The following CCDC171 variants were observed in gnomAD, a reference collection of about 807,000 sequenced individuals.
The protein encoded by CCDC171 is coiled-coil domain containing 171, also known as coiled-coil domain-containing protein 171.
CCDC171 carries 177 observed loss-of-function variants against 168.2 expected under a neutral mutation model. The ratio of observed to expected loss-of-function variants is 1.05; its 90% confidence interval spans 0.93 to 1.19. CCDC171 has a LOEUF of 1.19. CCDC171 is among the 50% of genes most tolerant of loss of function. CCDC171 has a pLI of 0.00. For missense variants in CCDC171, 1,991 were observed against 1,539.0 expected (o/e 1.29, Z -4.91); for synonymous variants, 687 against 540.8 (o/e 1.27, Z -3.75).
chr9:15,997,733 T>C (rs1832416619), intron 3 of CCDC171, among the ~76,000 whole-genome samples: 1 of 152,178 alleles, frequency 6.6e-6, no homozygotes, highest in African/African-American at 2.4e-5. Context: ...AGTACCCCAA[T>C]CCTCATTTCT....
chr9:15,644,245 A>T (rs1296430415), intron 7 of CCDC171, among the ~76,000 whole-genome samples: 1 of 152,138 alleles, frequency 6.6e-6, no homozygotes, highest in African/African-American at 2.4e-5. Flanking sequence ...TGTTATTTAA[A>T]TTATAGCCAT....
At chr9:15,924,508 C>T (rs903921295) in intron 25 of CCDC171, among the ~76,000 whole-genome samples, 2 of 150,882 alleles carry the variant, frequency 1.3e-5, no homozygotes, top group Non-Finnish European at 3.0e-5. Flanking sequence ...TGGATTATAC[C>T]ACAGGAAAAG....
intron 9 of CCDC171, among the ~76,000 whole-genome samples, chr9:15,673,516 C>G (rs574900088): frequency 6.6e-6 from 1 of 152,078 alleles, no homozygotes; most frequent in African/African-American, 2.4e-5. Flanking sequence ...TTTTGAGATA[C>G]GTTCCATCAA....
chr9:16,011,247 C>T (rs1168431536), intron 3 of CCDC171, among the ~76,000 whole-genome samples: 1 of 152,042 alleles, frequency 6.6e-6, no homozygotes, highest in Non-Finnish European at 1.5e-5. Context: ...GACACTGGGC[C>T]CCTGGATGGA....
chr9:15,863,454 C>T (rs776671973), intron 23 of CCDC171, among the ~76,000 whole-genome samples: 8 of 151,938 alleles, frequency 5.3e-5, no homozygotes, highest in Non-Finnish European at 1.0e-4. Flanking sequence ...CATTCTCCTT[C>T]GTTTTTAAGG....
intron 24 of CCDC171, among the ~76,000 whole-genome samples, chr9:15,893,672 T>C (rs1820508338): frequency 6.6e-6 from 1 of 151,984 alleles, no homozygotes; most frequent in East Asian, 1.9e-4. Flanking sequence ...AACAAACATA[T>C]GAAAAAAATC....
chr9:15,984,607 A>T (rs1831924545), intron 3 of CCDC171, among the ~76,000 whole-genome samples: 1 of 152,180 alleles, frequency 6.6e-6, no homozygotes, highest in Non-Finnish European at 1.5e-5. Context: ...TTTTAAATAC[A>T]TTAGTAAATA....
chr9:16,002,135 ATTTTTTTTT>A (rs76881347), intron 3 of CCDC171, among the ~76,000 whole-genome samples: 1 of 102,476 alleles, frequency 9.8e-6, no homozygotes, highest in East Asian at 2.8e-4. Flanking sequence ...GCCTACTATC[ATTTTTTTTT>A]TTTTTTTTTT....
chr9:15,794,244 C>T (rs544325962), intron 21 of CCDC171, among the ~76,000 whole-genome samples: 1 of 152,252 alleles, frequency 6.6e-6, no homozygotes, highest in East Asian at 1.9e-4. Context: ...GTGGGCAGAT[C>T]ACCTGAGGTC....
chr9:15,812,795 A>G (rs966423703), intron 21 of CCDC171, among the ~76,000 whole-genome samples: 15 of 152,098 alleles, frequency 9.9e-5, no homozygotes, highest in Admixed American at 3.9e-4. Context: ...CTTGTTGCCC[A>G]CTCTTCCTTT....
At chr9:15,919,663 T>C (rs555480880) in intron 24 of CCDC171, among the ~76,000 whole-genome samples, 14 of 151,752 alleles carry the variant, frequency 9.2e-5, no homozygotes, top group Admixed American at 6.6e-4. Flanking sequence ...TGGTACTGTT[T>C]AGAGGAGATA....
In CCDC171 at chr9:15,623,471, G is replaced by GCACACACACACA. The variant is rs1424407806; in HGVS notation, c.822+59_822+60insACACACACACAC. On this transcript the variant is annotated intron_variant, in intron 7 of 25. Coordinates refer to ENST00000380701, the MANE Select transcript of CCDC171 (RefSeq NM_173550.4). ...CGTACAAACTTTCACATATGCGCGC[G>GCACACACACACA]CGCGCACACACACACACACACACAC... 462 of 505,290 alleles carry GCACACACACACA rather than the reference G, an allele frequency of 9.1e-4. 2 individuals carry two copies. In the African/African-American group the frequency reaches 0.013, roughly 14 times the overall value. 31.3% of individuals were successfully genotyped at this position (505,290 alleles called of 1,614,324 possible). A position where few individuals can be genotyped will look rare whatever the true frequency, so the allele number is the denominator to read the frequency against.
At chr9:16,091,544 C>T in the CCDC171 span, among the ~76,000 whole-genome samples, 1 of 152,200 alleles carries the variant, frequency 6.6e-6, no homozygotes, top group Non-Finnish European at 1.5e-5. Context: ...CCCTGGAGCA[C>T]AGGCCTGGTG....
At chr9:15,572,736 TA>T (rs1392086567) in intron 3 of CCDC171, among the ~76,000 whole-genome samples, 78 of 152,224 alleles carry the variant, frequency 5.1e-4, no homozygotes, top group Non-Finnish European at 1.5e-4. Flanking sequence ...AAAACATTTA[TA>T]TCATGCTTTC....
intron 18 of CCDC171, among the ~76,000 whole-genome samples, chr9:15,757,450 A>T (rs2056191754): frequency 6.6e-6 from 1 of 152,180 alleles, no homozygotes; most frequent in African/African-American, 2.4e-5. Flanking sequence ...TAAGCAGCAA[A>T]AGAGGTGACT....
chr9:15,605,725 A>G lies in CCDC171; in HGVS notation c.675+11553A>G, dbSNP rs1353812012. ...AAAAAAAAAGTCCCTAATTTAGGGA[A>G]ATTTAAAAGCAAGAAAGTAAGGGTC... On this transcript the variant is annotated intron_variant, in intron 6 of 25. Transcript: ENST00000380701. Among the ~76,000 whole-genome samples, 3 of 152,064 alleles carry G rather than the reference A, an allele frequency of 2.0e-5. No individual in the cohort carries two copies. The East Asian group carries it at 5.8e-4, about 29-fold the overall frequency.
upstream of CCDC171, among the ~76,000 whole-genome samples, chr9:16,039,840 T>C (rs1400035296): frequency 6.6e-6 from 1 of 152,146 alleles, no homozygotes; most frequent in Non-Finnish European, 1.5e-5. Context: ...GCCATCTTCC[T>C]TGCTTCTGTG....
chr9:16,002,610 G>A (rs1174143194), intron 3 of CCDC171, among the ~76,000 whole-genome samples: 1 of 152,138 alleles, frequency 6.6e-6, no homozygotes, highest in Non-Finnish European at 1.5e-5. Flanking sequence ...ATTGAAGAAA[G>A]AAAAGTATTT....
intron 9 of CCDC171, among the ~76,000 whole-genome samples, chr9:15,677,876 T>A: frequency 1.5e-5 from 1 of 65,526 alleles, no homozygotes; most frequent in Non-Finnish European, 2.8e-5. Context: ...TGTGTGTGTG[T>A]GTCATATATA....
Sources: allele counts gnomAD v4.1 joint callset (sites outside exome capture counted in the v4.1 genomes callset), GRCh38; gene constraint gnomAD v4.1.1; transcripts MANE v1.5; gene names NCBI Gene and HGNC (gene_info 2026-07-23, HGNC 2026-07-21).